The following FRYL variants were observed in gnomAD, a reference collection of about 807,000 sequenced individuals.
FRYL encodes the protein FRY like transcription coactivator.
In FRYL, 150 loss-of-function variants were observed where a neutral mutation model predicts 351.2. The ratio of observed to expected loss-of-function variants is 0.43; its 90% CI spans 0.37 to 0.49. FRYL has a LOEUF of 0.49. Ranked by LOEUF, FRYL falls within the 20% of genes least tolerant of loss-of-function variation. FRYL has a pLI of 0.00. For missense variants in FRYL, 3,036 were observed against 3,619.3 expected (o/e 0.84, Z 4.13); for synonymous variants, 1,153 against 1,257.1 (o/e 0.92, Z 1.75).
At chr4:48,547,846 G>A in intron 40 of FRYL, 77 bp from the exon 41 acceptor site, 1 of 971,272 alleles carries the variant, frequency 1.0e-6, no homozygotes, top group East Asian at 2.7e-5. Context: ...ACATTTTGAA[G>A]AAAAGGAGAA....
chr4:48,593,405 CT>C (rs1743928980), intron 16 of FRYL, among the ~76,000 whole-genome samples: 1 of 151,830 alleles, frequency 6.6e-6, no homozygotes, highest in Non-Finnish European at 1.5e-5. Context: ...AGTGCAATGG[CT>C]TGATCTCGAC....
At position 48,564,010 on chromosome 4, in the gene FRYL, G is replaced by A. The variant is rs1397737411; in HGVS notation, c.3534C>T (p.Tyr1178=). ...NLMYWAVDRC[Y]TGSGRVAAGC... is the part of the protein sequence containing the mutation. Reference sequence around the variant, plus strand: ...CGGCCGCCACCCTCCCGGAGCCCGTGTAGCAGCGGTCCACAGCCCAGTACA... The same window carrying A: ...CGGCCGCCACCCTCCCGGAGCCCGTATAGCAGCGGTCCACAGCCCAGTACA... The change falls in exon 31 of 64, where the codon TAC becomes TAT. Residue 1178 remains tyrosine, a synonymous_variant. Transcript: ENST00000358350. The A allele has an allele frequency of 6.2e-7, 1 of 1,614,188 alleles. No individual in the cohort carries two copies. Among genetic ancestry groups the A allele is most frequent in the East Asian group, 2.2e-5 (1 of 44,884 alleles).
intron 3 of FRYL, among the ~76,000 whole-genome samples, chr4:48,672,312 G>GC (rs529380444): frequency 6.6e-6 from 1 of 152,084 alleles, no homozygotes; most frequent in Non-Finnish European, 1.5e-5. Context: ...TCACTGCCTG[G>GC]CCCCCCATCA....
intron 22 of FRYL, among the ~76,000 whole-genome samples, chr4:48,579,981 T>A (rs888784973): frequency 1.9e-4 from 29 of 152,032 alleles, no homozygotes; most frequent in Non-Finnish European, 3.5e-4. Flanking sequence ...TTGCACCGCA[T>A]AAATATGTAC....
At chr4:48,561,434 A>C (rs756971617) in intron 33 of FRYL, 34 bp downstream of exon 33, 1 of 1,359,036 alleles carries the variant, frequency 7.4e-7, no homozygotes, top group Admixed American at 2.4e-5. Context: ...AATGATTGAC[A>C]AATAGAAACT....
chr4:48,756,448 C>A (rs761360006), intron 1 of FRYL, among the ~76,000 whole-genome samples: 1 of 152,048 alleles, frequency 6.6e-6, no homozygotes, highest in Non-Finnish European at 1.5e-5. Context: ...CTGTCTCTGC[C>A]ACTCACTCTG....
At chr4:48,619,862 CG>C (rs1212764139) in intron 6 of FRYL, among the ~76,000 whole-genome samples, 5 of 152,090 alleles carry the variant, frequency 3.3e-5, no homozygotes, top group Non-Finnish European at 5.9e-5. Flanking sequence ...TTTTTATATA[CG>C]GGGTGTTTAT....
At chr4:48,670,887 G>A (rs1762544641) in intron 3 of FRYL, among the ~76,000 whole-genome samples, 1 of 152,144 alleles carries the variant, frequency 6.6e-6, no homozygotes, top group African/African-American at 2.4e-5. Context: ...CGGCTGTTGT[G>A]AATAGTGCTG....
chr4:48,625,686 T>G (rs538491073), intron 4 of FRYL, among the ~76,000 whole-genome samples: 22 of 152,260 alleles, frequency 1.4e-4, no homozygotes, highest in African/African-American at 5.3e-4. Flanking sequence ...CATTCATGAA[T>G]TTTGATATCC....
chr4:48,725,876 G>A (rs1383926138), intron 1 of FRYL, among the ~76,000 whole-genome samples: 1 of 152,070 alleles, frequency 6.6e-6, no homozygotes, highest in Non-Finnish European at 1.5e-5. Flanking sequence ...ATGTATGTAT[G>A]GGAAAAAAAC....
At chr4:48,596,804 A>C (rs1193870982) in intron 13 of FRYL, among the ~76,000 whole-genome samples, 1 of 152,162 alleles carries the variant, frequency 6.6e-6, no homozygotes, top group East Asian at 1.9e-4. Context: ...GCTGTTATAA[A>C]AAATAAAGTT....
intron 14 of FRYL, 58 bp downstream of exon 14, chr4:48,595,837 AGT>A (rs1341414575): frequency 8.4e-7 from 1 of 1,189,292 alleles, no homozygotes; most frequent in Non-Finnish European, 1.2e-6. Context: ...AATTCCCAAT[AGT>A]GTGTTTTTTT....
At chr4:48,619,250 CTT>C in intron 7 of FRYL, 22 bp downstream of exon 7, 1 of 1,447,268 alleles carries the variant, frequency 6.9e-7, no homozygotes, top group Non-Finnish European at 9.7e-7. Context: ...GGAATACAGA[CTT>C]TGCAGAAATA....
Position 48,521,087 on chromosome 4 carries a change from C to G in FRYL, c.7650G>C (p.Leu2550Phe). The G allele has an allele frequency of 6.2e-7, 1 of 1,613,336 alleles. No individual in the cohort carries two copies. Among genetic ancestry groups the G allele is most frequent in the South Asian group, 1.1e-5 (1 of 90,816 alleles). ...TGTTAGCATTATCTAGAGAAGCCTC[C>G]AAAGTTGGGGTCTCATCCCTGATTT... The part of the protein sequence containing the change: ...VLQIRDETPT[L>F]EASLDNANSR... Residue 2550 changes from leucine to phenylalanine, a missense_variant, in exon 55 of 64, where the codon TTG (leucine) becomes TTC (phenylalanine). Physicochemically the swap from Leu to Phe is conservative, Grantham distance 22. Transcript: ENST00000358350.
At chr4:48,590,566 G>T in intron 17 of FRYL, 93 bp downstream of exon 17, 1 of 949,548 alleles carries the variant, frequency 1.1e-6, no homozygotes, top group Non-Finnish European at 1.5e-6. Context: ...AACCATATTA[G>T]GCAAATTTAT....
chr4:48,650,741 G>T (rs374038783), intron 3 of FRYL, among the ~76,000 whole-genome samples: 2 of 152,168 alleles, frequency 1.3e-5, no homozygotes, highest in African/African-American at 4.8e-5. Flanking sequence ...GACATGAAGA[G>T]CCAGCTTTTA....
At chr4:48,553,722 T>C (rs1733434147) in intron 35 of FRYL, among the ~76,000 whole-genome samples, 1 of 151,642 alleles carries the variant, frequency 6.6e-6, no homozygotes. Flanking sequence ...GAAACACAGG[T>C]AATAACATCC....
At chr4:48,742,060 A>C (rs1772146667) in intron 1 of FRYL, among the ~76,000 whole-genome samples, 1 of 152,178 alleles carries the variant, frequency 6.6e-6, no homozygotes, top group Admixed American at 6.5e-5. Flanking sequence ...TAATTGTAGC[A>C]AATGTACCCC....
In FRYL at chr4:48,775,610, G is replaced by A. The variant is rs894342963; in HGVS notation, c.-384+4468C>T. On this transcript the variant is annotated intron_variant, in intron 1 of 63. Transcript: ENST00000358350. ...CCCTTTTTATAATTAGCAACTTAAC[G>A]TTTGAGTGATTCCACCATGAACAAA... 2.0e-5 allele frequency among the ~76,000 whole-genome samples: 3 copies of A among 152,114 alleles called. No individual in the cohort carries two copies. The East Asian group carries it at 5.8e-4, about 29-fold the overall frequency.
Sources: allele counts gnomAD v4.1 joint callset (sites outside exome capture counted in the v4.1 genomes callset), GRCh38; gene constraint gnomAD v4.1.1; transcripts MANE v1.5; gene names NCBI Gene and HGNC (gene_info 2026-07-23, HGNC 2026-07-21).